Variants in EIPR1 observed in about 807,000 individuals in gnomAD.
The protein encoded by EIPR1 is EARP complex and GARP complex interacting protein 1, also known as EARP and GARP complex-interacting protein 1.
In EIPR1, 25 loss-of-function variants were observed where a neutral mutation model predicts 48.1. The ratio of observed to expected loss-of-function variants is 0.52; its 90% CI spans 0.38 to 0.73. EIPR1 has a LOEUF of 0.73. Among genes scored for constraint, EIPR1 ranks in the 30% least tolerant of loss-of-function variants. The pLI, the probability that EIPR1 is intolerant of heterozygous loss-of-function variation, is 0.00. For synonymous variants in EIPR1, 204 were observed against 201.9 expected (o/e 1.01, Z -0.09); for missense variants, 415 against 506.2 (o/e 0.82, Z 1.73).
At chr2:3,246,051 C>T (rs908215817) in intron 4 of EIPR1, among the ~76,000 whole-genome samples, 2 of 152,150 alleles carry the variant, frequency 1.3e-5, no homozygotes, top group Non-Finnish European at 1.5e-5. Flanking sequence ...GTGATCACAC[C>T]ACTGCACTCC....
intron 4 of EIPR1, among the ~76,000 whole-genome samples, chr2:3,253,282 C>A (rs939971050): frequency 6.6e-6 from 1 of 152,158 alleles, no homozygotes; most frequent in Non-Finnish European, 1.5e-5. Context: ...CTGGACCAAA[C>A]CCATGTATTT....
chr2:3,274,738 A>G (rs1355104025), intron 3 of EIPR1, among the ~76,000 whole-genome samples: 1 of 152,186 alleles, frequency 6.6e-6, no homozygotes, highest in Non-Finnish European at 1.5e-5. Context: ...TGAGGTTAAT[A>G]AAAATACCCA....
intron 3 of EIPR1, among the ~76,000 whole-genome samples, chr2:3,264,001 T>G (rs1313820107): frequency 6.6e-6 from 1 of 152,228 alleles, no homozygotes; most frequent in Non-Finnish European, 1.5e-5. Context: ...TTAACAATTT[T>G]CAAGTATATG....
At position 3,214,392 on chromosome 2, in the gene EIPR1, G is replaced by A. The variant is rs111691182; in HGVS notation, c.417-144C>T. 469 of 654,476 alleles carry A rather than the reference G, an allele frequency of 7.2e-4. 1 individual carries two copies. Among genetic ancestry groups the A allele is most frequent in the African/African-American group, 1.7e-3 (93 of 55,088 alleles). The allele number at this position is 654,476 out of a possible 1,614,324, so 40.5% of individuals were successfully genotyped here. A position where few individuals can be genotyped will look rare whatever the true frequency, so the allele number is the denominator to read the frequency against. ...TAGAGTATTTTTTACACTGTCACCC[G>A]GCAATGCCTGACAACACTGTTGTTG... On this transcript the variant is annotated intron_variant, in intron 4 of 8. Transcript: ENST00000382125.
intron 6 of EIPR1, 173 bp from the exon 7 acceptor site, chr2:3,194,339 T>C: frequency 1.5e-6 from 1 of 650,014 alleles, no homozygotes; most frequent in Non-Finnish European, 2.6e-6. Flanking sequence ...ACCTCCTCCA[T>C]CCCAGCAACC....
chr2:3,206,155 T>TGGCACACTTGGGCTCTCCTGGC (rs1665227915), intron 5 of EIPR1, among the ~76,000 whole-genome samples: 1 of 152,160 alleles, frequency 6.6e-6, no homozygotes, highest in African/African-American at 2.4e-5. Context: ...GCTCTCCTGG[T>TGGCACACTTGGGCTCTCCTGGC]GGCACACTTG....
At chr2:3,292,508 A>G (rs1365008017) in intron 3 of EIPR1, among the ~76,000 whole-genome samples, 2 of 152,186 alleles carry the variant, frequency 1.3e-5, no homozygotes, top group Non-Finnish European at 2.9e-5. Context: ...GCACCTCACA[A>G]GTACCTCTCC....
At chr2:3,225,396 C>T (rs1189725805) in intron 4 of EIPR1, among the ~76,000 whole-genome samples, 1 of 152,048 alleles carries the variant, frequency 6.6e-6, no homozygotes. Context: ...CAGGCACATG[C>T]CACCCTACTT....
intron 3 of EIPR1, among the ~76,000 whole-genome samples, chr2:3,302,957 A>T (rs567609596): frequency 1.3e-5 from 2 of 152,296 alleles, no homozygotes; most frequent in South Asian, 4.1e-4. Flanking sequence ...AGGGACACGA[A>T]ATCTGACTCC....
chr2:3,206,780 A>G (rs1480877092), intron 5 of EIPR1, among the ~76,000 whole-genome samples: 1 of 152,224 alleles, frequency 6.6e-6, no homozygotes, highest in Non-Finnish European at 1.5e-5. Flanking sequence ...ACTATAAGAA[A>G]TATTTCTGCA....
At chr2:3,325,379 G>C (rs751158153) in intron 3 of EIPR1, among the ~76,000 whole-genome samples, 1 of 152,208 alleles carries the variant, frequency 6.6e-6, no homozygotes, top group Non-Finnish European at 1.5e-5. Context: ...AGGAGGTGGG[G>C]TCTTCAGAGA....
chr2:3,329,649 C>T (rs552072587), intron 3 of EIPR1, among the ~76,000 whole-genome samples: 1 of 151,910 alleles, frequency 6.6e-6, no homozygotes, highest in African/African-American at 2.4e-5. Flanking sequence ...CGAGTGCCAG[C>T]CTGGCTCCCC....
At chr2:3,319,428 C>G (rs1362508152) in intron 3 of EIPR1, 1 of 172,172 alleles carries the variant, frequency 5.8e-6, no homozygotes, top group Non-Finnish European at 1.3e-5. Flanking sequence ...TGGGAGCTGT[C>G]ATTGTCATCA....
chr2:3,236,866 T>A (rs1462032501), intron 4 of EIPR1, among the ~76,000 whole-genome samples: 1 of 152,210 alleles, frequency 6.6e-6, no homozygotes, highest in South Asian at 2.1e-4. Flanking sequence ...GCACGTGGCC[T>A]GAAAGCTCAC....
At chr2:3,261,359 G>A (rs1667329843) in intron 3 of EIPR1, among the ~76,000 whole-genome samples, 1 of 152,208 alleles carries the variant, frequency 6.6e-6, no homozygotes, top group African/African-American at 2.4e-5. Flanking sequence ...GCAGAAGGCT[G>A]AGGGAAGTCA....
intron 3 of EIPR1, among the ~76,000 whole-genome samples, chr2:3,328,671 A>G (rs577614459): frequency 1.5e-4 from 16 of 103,876 alleles, no homozygotes; most frequent in South Asian, 7.7e-4. Context: ...ATCTCAGGGC[A>G]CCAGCCAGGC....
At chr2:3,321,691 C>T (rs1365910488) in intron 3 of EIPR1, among the ~76,000 whole-genome samples, 1 of 152,180 alleles carries the variant, frequency 6.6e-6, no homozygotes, top group East Asian at 1.9e-4. Flanking sequence ...TCTTGACTTT[C>T]TTGTTAATCT....
At chr2:3,321,378 GCAGCAGAGCGTC>G (rs1341474236) in intron 3 of EIPR1, among the ~76,000 whole-genome samples, 1 of 152,148 alleles carries the variant, frequency 6.6e-6, no homozygotes, top group Non-Finnish European at 1.5e-5. Flanking sequence ...CATCTTGAGT[GCAGCAGAGCGTC>G]CTCTGCCCCC....
chr2:3,198,112 C>G (rs1664873985), intron 5 of EIPR1, among the ~76,000 whole-genome samples: 1 of 152,228 alleles, frequency 6.6e-6, no homozygotes, highest in Non-Finnish European at 1.5e-5. Flanking sequence ...GGGGCTCTGC[C>G]TGGAAACCAC....
Sources: allele counts gnomAD v4.1 joint callset (sites outside exome capture counted in the v4.1 genomes callset), GRCh38; gene constraint gnomAD v4.1.1; transcripts MANE v1.5; gene names NCBI Gene and HGNC (gene_info 2026-07-23, HGNC 2026-07-21).